Variants in CSMD1 observed in about 807,000 individuals in gnomAD.
CSMD1 encodes CUB and sushi domain-containing protein 1.
CSMD1 carries 213 observed loss-of-function variants against 417.5 expected under a neutral mutation model. The ratio of observed to expected loss-of-function variants is 0.51; its 90% CI spans 0.46 to 0.57. The LOEUF (loss-of-function observed/expected upper bound fraction) is 0.57, where lower values mean the gene tolerates loss of function less well. CSMD1 is among the 20% of genes least tolerant of loss of function. The pLI, the probability that CSMD1 is intolerant of heterozygous loss-of-function variation, is 0.00. For synonymous variants in CSMD1, 2,862 were observed against 1,736.8 expected (o/e 1.65, Z -16.11); for missense variants, 6,923 against 4,529.7 (o/e 1.53, Z -15.17).
At chr8:4,369,899 G>T (rs1802302580) in intron 3 of CSMD1, among the ~76,000 whole-genome samples, 1 of 151,966 alleles carries the variant, frequency 6.6e-6, no homozygotes, top group Non-Finnish European at 1.5e-5. Context: ...TTTCCATTTG[G>T]GTAAAATGTA....
intron 1 of CSMD1, among the ~76,000 whole-genome samples, chr8:4,733,932 G>T (rs2116970500): frequency 6.6e-6 from 1 of 152,224 alleles, no homozygotes; most frequent in East Asian, 1.9e-4. Flanking sequence ...AGCATTTATG[G>T]TAATTAGCAA....
chr8:3,321,586 A>C (rs963601676), intron 23 of CSMD1, among the ~76,000 whole-genome samples: 26 of 152,190 alleles, frequency 1.7e-4, no homozygotes, highest in African/African-American at 6.0e-4. Flanking sequence ...AGCCCAGAGA[A>C]CATGCATTGT....
At chr8:3,838,113 G>C (rs565279883) in intron 5 of CSMD1, among the ~76,000 whole-genome samples, 18 of 152,074 alleles carry the variant, frequency 1.2e-4, no homozygotes, top group Non-Finnish European at 2.2e-4. Flanking sequence ...TTCTAACTTG[G>C]GATTAGAAAA....
intron 23 of CSMD1, among the ~76,000 whole-genome samples, chr8:3,310,672 C>T (rs563766360): frequency 6.6e-6 from 1 of 152,094 alleles, no homozygotes; most frequent in Non-Finnish European, 1.5e-5. Flanking sequence ...GAACAGGATC[C>T]TGGGAAAACT....
chr8:4,387,950 C>G (rs867699038), intron 3 of CSMD1, among the ~76,000 whole-genome samples: 37 of 151,994 alleles, frequency 2.4e-4, no homozygotes, highest in Middle Eastern at 3.2e-3. Flanking sequence ...GATTTCATGT[C>G]TGGTAATTTA....
At chr8:4,396,303 T>TAA (rs71534399) in intron 3 of CSMD1, among the ~76,000 whole-genome samples, 22 of 139,546 alleles carry the variant, frequency 1.6e-4, no homozygotes, top group Admixed American at 2.9e-4. Context: ...CTCTTAAAAG[T>TAA]AAAAAAAAAA....
At chr8:4,945,160 C>T (rs1237233998) in intron 1 of CSMD1, among the ~76,000 whole-genome samples, 5 of 152,138 alleles carry the variant, frequency 3.3e-5, no homozygotes, top group African/African-American at 4.8e-5. Flanking sequence ...AAGAGAAATA[C>T]TGAATGATCC....
intron 3 of CSMD1, among the ~76,000 whole-genome samples, chr8:4,112,842 T>C (rs1307920477): frequency 6.6e-6 from 1 of 152,230 alleles, no homozygotes; most frequent in African/African-American, 2.4e-5. Flanking sequence ...TATTGCACTT[T>C]GCTGATATTG....
chr8:3,516,212 G>C (rs1227330223), intron 10 of CSMD1, among the ~76,000 whole-genome samples: 1 of 152,168 alleles, frequency 6.6e-6, no homozygotes, highest in Non-Finnish European at 1.5e-5. Context: ...AACTGTCCTG[G>C]AAAGGGACAT....
chr8:4,039,442 C>G (rs1797776231), intron 3 of CSMD1, among the ~76,000 whole-genome samples: 1 of 152,168 alleles, frequency 6.6e-6, no homozygotes, highest in African/African-American at 2.4e-5. Flanking sequence ...AATCGGATTT[C>G]CTAGTCTTGA....
rs776977959 is a variant in CSMD1 at position 3,586,309 on chromosome 8, C to G, written c.1098-49G>C. On this transcript the variant is annotated intron_variant, in intron 8 of 69. Coordinates refer to ENST00000635120, the MANE Select transcript of CSMD1 (RefSeq NM_033225.6). ...AAAAACCCAAATTATTTACAGAAGA[C>G]TTCTTTAGGAAAAAAAAAAAAATCA... The G allele has an allele frequency of 2.0e-6, 3 of 1,473,590 alleles. No individual in the cohort carries two copies. In the South Asian group the frequency reaches 4.1e-5, roughly 20 times the overall value. 91.3% of individuals were successfully genotyped at this position (1,473,590 alleles called of 1,614,324 possible).
intron 5 of CSMD1, among the ~76,000 whole-genome samples, chr8:3,758,385 T>G (rs1006671790): frequency 2.6e-5 from 4 of 152,238 alleles, no homozygotes; most frequent in Non-Finnish European, 5.9e-5. Flanking sequence ...GTACATGAAT[T>G]TCCTGATTTG....
At chr8:4,825,546 A>T (rs968125712) in intron 1 of CSMD1, among the ~76,000 whole-genome samples, 1 of 151,810 alleles carries the variant, frequency 6.6e-6, no homozygotes, top group Non-Finnish European at 1.5e-5. Context: ...CTCTCTGCTT[A>T]TATGTGTGTG....
rs535774072 is a variant in CSMD1, at chr8:3,669,476, A to G, written c.1009+38938T>C. 8.1e-4 allele frequency among the ~76,000 whole-genome samples: 123 copies of G among 152,296 alleles called. 1 individual carries two copies. Among genetic ancestry groups the G allele is most frequent in the Admixed American group, 2.7e-3 (42 of 15,292 alleles). On this transcript the variant is annotated intron_variant, in intron 7 of 69. Coordinates refer to ENST00000635120, the MANE Select transcript of CSMD1 (RefSeq NM_033225.6). ...TTCATTCATTCATTCAACATCAGTAATTAGATATCCTCTACTAAATATTGA... is the reference window on the plus strand; with the variant it reads ...TTCATTCATTCATTCAACATCAGTAGTTAGATATCCTCTACTAAATATTGA...
chr8:3,373,663 T>G (rs1232588632), intron 18 of CSMD1: 1 of 152,190 alleles, frequency 6.6e-6, no homozygotes, highest in African/African-American at 2.4e-5. Context: ...GCTACAAATA[T>G]AGCTGCTCAT....
chr8:4,055,362 T>C (rs553756055), intron 3 of CSMD1, among the ~76,000 whole-genome samples: 9 of 152,258 alleles, frequency 5.9e-5, no homozygotes, highest in African/African-American at 2.2e-4. Flanking sequence ...TTTATAATTA[T>C]TGTAAATTTC....
chr8:4,159,043 G>A (rs562218583), intron 3 of CSMD1, among the ~76,000 whole-genome samples: 1 of 152,054 alleles, frequency 6.6e-6, no homozygotes, highest in Non-Finnish European at 1.5e-5. Context: ...AGCCTCCATA[G>A]TAACTGGGAT....
intron 5 of CSMD1, among the ~76,000 whole-genome samples, chr8:3,841,234 T>G (rs1396190475): frequency 6.6e-6 from 1 of 152,162 alleles, no homozygotes; most frequent in African/African-American, 2.4e-5. Context: ...TGGAAAGGTT[T>G]ATATTGAAAA....
chr8:4,147,948 G>T (rs184443869), intron 3 of CSMD1, among the ~76,000 whole-genome samples: 1 of 152,194 alleles, frequency 6.6e-6, no homozygotes, highest in East Asian at 1.9e-4. Context: ...GCACCAGGTA[G>T]AAACCCACAG....
Sources: gnomAD v4.1 joint callset for allele counts (sites outside exome capture counted in the v4.1 genomes callset) on GRCh38, gnomAD v4.1.1 for gene constraint, MANE v1.5 for transcripts, NCBI Gene and HGNC (gene_info 2026-07-23, HGNC 2026-07-21) for gene names.